MTX2: variants seen among roughly 807,000 people sequenced by gnomAD.
MTX2 encodes metaxin-2.
Under a neutral mutation model 42.3 loss-of-function variants are expected in MTX2, and 35 were observed. That is an observed-to-expected ratio of 0.83 (90% CI 0.63 to 1.10). The LOEUF (loss-of-function observed/expected upper bound fraction) is 1.10, where lower values mean the gene tolerates loss of function less well. Among genes scored for constraint, MTX2 ranks in the 50% least tolerant of loss-of-function variants. The pLI is 0.00. For synonymous variants in MTX2, 119 were observed against 100.9 expected (o/e 1.18, Z -1.08); for missense variants, 307 against 304.1 (o/e 1.01, Z -0.07).
rs1293707590 is a variant in MTX2 at position 176,337,552 on chromosome 2, T to C, written c.680T>C (p.Leu227Ser). 1.2e-6 allele frequency: 2 copies of C among 1,613,160 alleles called. No individual in the cohort carries two copies. The highest frequency in any genetic ancestry group is 1.7e-6 in the Non-Finnish European group (2 of 1,179,462). Residue 227 changes from leucine (L) to serine (S), a missense_variant, in exon 10 of 10, where the codon TTG becomes TCG. Leu to Ser is a moderately radical substitution (Grantham distance 145). Transcript: ENST00000249442. ...CTATACACCATTCTTACCACACAATTGACAAATGATGAACTTTCTGAGAAG... is the reference window on the plus strand; with the variant it reads ...CTATACACCATTCTTACCACACAATCGACAAATGATGAACTTTCTGAGAAG... Reference protein sequence around the residue: ...GHLYTILTTQLTNDELSEKVK... With the variant: ...GHLYTILTTQSTNDELSEKVK...
chr2:176,298,592 T>C (rs1274842583), intron 3 of MTX2, among the ~76,000 whole-genome samples: 1 of 152,134 alleles, frequency 6.6e-6, no homozygotes, highest in African/African-American at 2.4e-5. Flanking sequence ...TCCAAACATT[T>C]TGCATATTTA....
At position 176,287,014 on chromosome 2, in the gene MTX2, G is replaced by GT. The variant is rs1421405049; in HGVS notation, c.41-9840dup. ...ACACTGTCGTGTATGTTTTTTTCTT[G>GT]TTTTTTGTGTAATGTGTAGCCCAAA... On this transcript the variant is annotated intron_variant, in intron 1 of 9. Coordinates refer to ENST00000249442, the MANE Select transcript of MTX2 (RefSeq NM_006554.5). Among the ~76,000 whole-genome samples, 8 of 151,872 alleles carry GT rather than the reference G, an allele frequency of 5.3e-5. No homozygotes were observed. The East Asian group carries it at 1.4e-3, about 26-fold the overall frequency.
chr2:176,284,227 ACAC>A (rs769166939), intron 1 of MTX2, among the ~76,000 whole-genome samples: 5 of 152,004 alleles, frequency 3.3e-5, no homozygotes, highest in Non-Finnish European at 7.4e-5. Flanking sequence ...CTACAGGTGC[ACAC>A]CACCATGTCC....
chr2:176,289,156 CTT>C (rs994407953), intron 1 of MTX2, among the ~76,000 whole-genome samples: 1 of 151,884 alleles, frequency 6.6e-6, no homozygotes, highest in Non-Finnish European at 1.5e-5. Context: ...AAATAGGTAA[CTT>C]AAAGATAATT....
At chr2:176,291,528 G>A (rs1693328221) in intron 1 of MTX2, among the ~76,000 whole-genome samples, 1 of 152,172 alleles carries the variant, frequency 6.6e-6, no homozygotes, top group Non-Finnish European at 1.5e-5. Context: ...CAGACGGGGA[G>A]TGCATGCTGT....
At chr2:176,289,042 G>C (rs914550936) in intron 1 of MTX2, among the ~76,000 whole-genome samples, 1 of 151,848 alleles carries the variant, frequency 6.6e-6, no homozygotes, top group Non-Finnish European at 1.5e-5. Flanking sequence ...AGAGACTTAC[G>C]GGTATACTTA....
intron 3 of MTX2, among the ~76,000 whole-genome samples, chr2:176,322,116 T>A (rs1163921300): frequency 1.3e-5 from 2 of 152,110 alleles, no homozygotes; most frequent in Non-Finnish European, 2.9e-5. Flanking sequence ...GGAATCAGAC[T>A]CACGTGGGAT....
chr2:176,307,409 ATGAACT>A (rs542172449), intron 3 of MTX2, among the ~76,000 whole-genome samples: 57 of 152,160 alleles, frequency 3.7e-4, no homozygotes, highest in Non-Finnish European at 2.8e-4. Flanking sequence ...TTGGTTCCAT[ATGAACT>A]TTAGTTTTTT....
chr2:176,303,439 C>T (rs1392691459), intron 3 of MTX2, among the ~76,000 whole-genome samples: 2 of 151,892 alleles, frequency 1.3e-5, no homozygotes, highest in Non-Finnish European at 2.9e-5. Context: ...TTTCAGTATT[C>T]CAGACAAGCA....
chr2:176,335,763 G>C (rs916493519), intron 9 of MTX2, among the ~76,000 whole-genome samples: 14 of 152,004 alleles, frequency 9.2e-5, no homozygotes, highest in Non-Finnish European at 1.8e-4. Flanking sequence ...TTGGGATACT[G>C]TAAATTACTG....
intron 3 of MTX2, among the ~76,000 whole-genome samples, chr2:176,303,979 A>G (rs1015717105): frequency 3.3e-5 from 5 of 152,012 alleles, no homozygotes; most frequent in African/African-American, 1.2e-4. Flanking sequence ...TTGCTATTAA[A>G]CAGAACCATA....
At chr2:176,279,423 G>A (rs1461123660) in intron 1 of MTX2, among the ~76,000 whole-genome samples, 1 of 152,050 alleles carries the variant, frequency 6.6e-6, no homozygotes, top group Non-Finnish European at 1.5e-5. Context: ...CAATGAACTA[G>A]CCTTCTTTTG....
At chr2:176,323,939 A>C (rs1684644677) in intron 4 of MTX2, among the ~76,000 whole-genome samples, 1 of 151,546 alleles carries the variant, frequency 6.6e-6, no homozygotes, top group South Asian at 2.1e-4. Context: ...TTGGTTTCTA[A>C]TTATTTTTTC....
At chr2:176,288,357 T>G (rs1164152914) in intron 1 of MTX2, among the ~76,000 whole-genome samples, 2 of 152,096 alleles carry the variant, frequency 1.3e-5, no homozygotes, top group Non-Finnish European at 2.9e-5. Flanking sequence ...ATATCATTAG[T>G]ATAATATTTA....
At chr2:176,309,908 A>T (rs1326358787) in intron 3 of MTX2, among the ~76,000 whole-genome samples, 3 of 152,006 alleles carry the variant, frequency 2.0e-5, no homozygotes. Context: ...ATTTACATTT[A>T]AGGTTAATAT....
chr2:176,316,467 T>G (rs1458794385), intron 3 of MTX2, among the ~76,000 whole-genome samples: 3 of 152,174 alleles, frequency 2.0e-5, no homozygotes, highest in Admixed American at 1.3e-4. Context: ...AGTGGTGTGA[T>G]CACGGCTTAC....
chr2:176,269,610 C>A lies in MTX2; in HGVS notation c.-20C>A. 1.3e-6 allele frequency: 2 copies of A among 1,576,726 alleles called. No individual in the cohort carries two copies. Among genetic ancestry groups the A allele is most frequent in the Non-Finnish European group, 8.6e-7 (1 of 1,165,902 alleles). ...GGCCCGTGGGGGGCAGGCACCCGGG[C>A]GCCGGGCCTCCCAGCCGACATGTCT... On this transcript the variant is annotated 5_prime_UTR_variant, in exon 1 of 10. Coordinates refer to ENST00000249442, the MANE Select transcript of MTX2 (RefSeq NM_006554.5).
chr2:176,272,413 A>C (rs573614629), intron 1 of MTX2, among the ~76,000 whole-genome samples: 1 of 152,356 alleles, frequency 6.6e-6, no homozygotes, highest in Admixed American at 6.5e-5. Context: ...GCTTAGATTT[A>C]TAATTTTCTT....
chr2:176,337,370 A>G lies in MTX2; in HGVS notation c.621-123A>G, dbSNP rs73036893. On this transcript the variant is annotated intron_variant, in intron 9 of 9. Transcript: ENST00000249442. ...ATTGTTATTTCTAATCTTTTAAAAT[A>G]TTTTGGATCTGAGGTTAGTTGAACC... is the stretch of plus-strand genomic sequence containing the variant. 4.0e-3 allele frequency: 2,983 copies of G among 738,852 alleles called. 73 individuals carry two copies. The African/African-American group carries it at 0.049, about 12-fold the overall frequency. 45.8% of individuals were successfully genotyped at this position (738,852 alleles called of 1,614,324 possible). A position where few individuals can be genotyped will look rare whatever the true frequency, so the allele number is the denominator to read the frequency against.
Sources: gnomAD v4.1 joint callset for allele counts (sites outside exome capture counted in the v4.1 genomes callset) on GRCh38, gnomAD v4.1.1 for gene constraint, MANE v1.5 for transcripts, NCBI Gene and HGNC (gene_info 2026-07-23, HGNC 2026-07-21) for gene names.